CNTNAP3B: variants seen among roughly 807,000 people sequenced by gnomAD.
CNTNAP3B encodes the protein contactin-associated protein-like 3B.
Under a neutral mutation model 108.9 loss-of-function variants are expected in CNTNAP3B, and 25 were observed. The observed-to-expected ratio is 0.23, with a 90% CI of 0.17 to 0.32. CNTNAP3B has a LOEUF of 0.32. Ranked by LOEUF, CNTNAP3B falls within the 10% of genes least tolerant of loss-of-function variation. CNTNAP3B has a pLI of 1.00. For synonymous variants in CNTNAP3B, 103 were observed against 473.4 expected, an observed-to-expected ratio of 0.22 and a Z score of 10.16; for missense variants, 252 against 1,210.4, an observed-to-expected ratio of 0.21 and a Z score of 11.75.
chr9:42,116,235 C>G lies in CNTNAP3B; in HGVS notation c.86-11496G>C, dbSNP rs1587284455. On this transcript the variant is annotated intron_variant, in intron 1 of 23. Coordinates refer to ENST00000377561, the MANE Select transcript of CNTNAP3B (RefSeq NM_001201380.3). ...TGTGACTGTGAAAAGATTCACCAAA[C>G]TTGAAATGAAGGAAAAAATATTAAG... 5.2e-5 allele frequency among the ~76,000 whole-genome samples: 7 copies of G among 135,750 alleles called. 2 individuals carry two copies. In the South Asian group the frequency reaches 1.2e-3, roughly 23 times the overall value. 89.1% of individuals were successfully genotyped at this position (135,750 alleles called of 152,430 possible).
intron 7 of CNTNAP3B, among the ~76,000 whole-genome samples, chr9:41,995,842 C>T (rs1158630124): frequency 7.1e-6 from 1 of 139,954 alleles, no homozygotes; most frequent in Non-Finnish European, 1.5e-5. Context: ...TCGAGACTAG[C>T]CTGGCCAACA....
intron 3 of CNTNAP3B, among the ~76,000 whole-genome samples, chr9:42,038,448 T>A: frequency 1.1e-5 from 1 of 90,262 alleles, no homozygotes; most frequent in Non-Finnish European, 2.3e-5. Flanking sequence ...TGCCAAGCAA[T>A]GGAAAATAAA....
intron 3 of CNTNAP3B, among the ~76,000 whole-genome samples, chr9:42,044,637 C>T (rs1357261024): frequency 4.8e-5 from 7 of 144,954 alleles, no homozygotes; most frequent in South Asian, 2.2e-4. Context: ...AGACGGGGTC[C>T]GAAGAAATTC....
intron 2 of CNTNAP3B, among the ~76,000 whole-genome samples, chr9:42,094,532 G>C (rs1827862196): frequency 7.6e-6 from 1 of 131,120 alleles, no homozygotes; most frequent in Non-Finnish European, 1.6e-5. Flanking sequence ...ACATGTGACT[G>C]TGGTCCCAGC....
chr9:41,916,465 T>A (rs1270281530), intron 18 of CNTNAP3B, among the ~76,000 whole-genome samples: 1 of 152,174 alleles, frequency 6.6e-6, no homozygotes, highest in Non-Finnish European at 1.5e-5. Context: ...CTGGGTTATA[T>A]CCCTTCAACC....
At chr9:42,096,970 C>G (rs1827914406) in intron 2 of CNTNAP3B, among the ~76,000 whole-genome samples, 1 of 131,770 alleles carries the variant, frequency 7.6e-6, no homozygotes, top group South Asian at 2.5e-4. Flanking sequence ...AGGCTGGTCT[C>G]CAACTCCTGG....
chr9:41,943,426 C>A (rs1435053134), intron 13 of CNTNAP3B, among the ~76,000 whole-genome samples: 1 of 148,268 alleles, frequency 6.7e-6, no homozygotes, highest in South Asian at 2.1e-4. Context: ...AATCTCGGCT[C>A]ACTGCAAGCT....
intron 10 of CNTNAP3B, among the ~76,000 whole-genome samples, chr9:41,968,165 A>C (rs1825338143): frequency 6.6e-6 from 1 of 151,802 alleles, no homozygotes. Context: ...TAACAGAAAC[A>C]CTGCAAATGG....
chr9:41,946,522 A>C, intron 13 of CNTNAP3B, among the ~76,000 whole-genome samples: 1 of 42,024 alleles, frequency 2.4e-5, no homozygotes, highest in Admixed American at 2.8e-4. Context: ...TGAAAGAGAA[A>C]GTCTCAAGAG....
intron 1 of CNTNAP3B, among the ~76,000 whole-genome samples, chr9:42,116,114 G>A (rs1156810873): frequency 7.2e-6 from 1 of 139,498 alleles, no homozygotes; most frequent in Non-Finnish European, 1.5e-5. Context: ...GGAAGAAAGG[G>A]TATCAGTGAT....
intron 18 of CNTNAP3B, among the ~76,000 whole-genome samples, chr9:41,917,237 T>G: frequency 6.7e-6 from 1 of 150,138 alleles, no homozygotes. Context: ...TTCTCTGTAT[T>G]CTTCAGGATA....
chr9:41,924,645 GCA>G (rs200851620), intron 15 of CNTNAP3B, among the ~76,000 whole-genome samples: 2,934 of 134,616 alleles, frequency 0.022, 18 homozygotes, highest in Middle Eastern at 0.056. Context: ...TTTCCTTCCT[GCA>G]CACACACACA....
intron 14 of CNTNAP3B, among the ~76,000 whole-genome samples, chr9:41,933,937 A>G (rs575165045): frequency 3.3e-5 from 5 of 151,864 alleles, no homozygotes; most frequent in African/African-American, 1.2e-4. Context: ...AATACATTCT[A>G]TAAAGAAATA....
intron 2 of CNTNAP3B, among the ~76,000 whole-genome samples, chr9:42,089,509 A>G (rs1587263594): frequency 7.3e-6 from 1 of 137,008 alleles, no homozygotes; most frequent in East Asian, 2.1e-4. Flanking sequence ...TTTTGCTTTT[A>G]TTTATTAATA....
chr9:41,950,601 G>T (rs1230574321), intron 13 of CNTNAP3B, among the ~76,000 whole-genome samples: 1 of 146,140 alleles, frequency 6.8e-6, no homozygotes, highest in African/African-American at 2.5e-5. Context: ...ATCTAGAGAG[G>T]ATTACACAGA....
At chr9:41,933,121 G>T (rs1173838893) in intron 14 of CNTNAP3B, among the ~76,000 whole-genome samples, 4 of 152,220 alleles carry the variant, frequency 2.6e-5, no homozygotes, top group Non-Finnish European at 4.4e-5. Context: ...GGCATTTTTT[G>T]GAATTTTGTT....
intron 13 of CNTNAP3B, among the ~76,000 whole-genome samples, chr9:41,943,477 C>G (rs1454203287): frequency 7.9e-5 from 12 of 151,752 alleles, no homozygotes; most frequent in Non-Finnish European, 1.8e-4. Flanking sequence ...CTCAGCCTCC[C>G]GAGTAGCTGG....
rs1463912565 is a variant in CNTNAP3B at position 42,094,489 on chromosome 9, T to C, written c.196+10140A>G. On this transcript the variant is annotated intron_variant, in intron 2 of 23. Transcript: ENST00000377561. The stretch of plus-strand genomic sequence containing the variant: ...GAGCAACATAATGAGATCCCATCTT[T>C]ACAAAAAATATAAATGTTCGCTGGG... Among the ~76,000 whole-genome samples the C allele has an allele frequency of 2.3e-5, 3 of 128,964 alleles. 1 individual carries two copies. The highest frequency in any genetic ancestry group is 4.9e-5 in the Non-Finnish European group (3 of 61,834). 84.6% of individuals were successfully genotyped at this position (128,964 alleles called of 152,430 possible).
intron 13 of CNTNAP3B, among the ~76,000 whole-genome samples, chr9:41,941,822 T>C (rs1381716776): frequency 6.6e-5 from 10 of 150,632 alleles, no homozygotes; most frequent in Non-Finnish European, 1.5e-5. Context: ...ACTCCTAGAG[T>C]GGGGGATACG....
Sources: allele counts gnomAD v4.1 joint callset (sites outside exome capture counted in the v4.1 genomes callset), GRCh38; gene constraint gnomAD v4.1.1; transcripts MANE v1.5; gene names NCBI Gene and HGNC (gene_info 2026-07-23, HGNC 2026-07-21).